Variants in C11orf65 observed in about 807,000 individuals in gnomAD.
The protein encoded by C11orf65 is chromosome 11 open reading frame 65, also known as protein MFI.
Under a neutral mutation model 35.3 loss-of-function variants are expected in C11orf65, and 38 were observed. That is an observed-to-expected ratio of 1.08 (90% CI 0.83 to 1.41). The LOEUF is 1.41. Ranked by LOEUF, C11orf65 falls within the 40% of genes most tolerant of loss-of-function variation. C11orf65 has a pLI of 0.00. For missense variants in C11orf65, 370 were observed against 367.1 expected, an observed-to-expected ratio of 1.01 and a Z score of -0.06; for synonymous variants, 105 against 114.4, an observed-to-expected ratio of 0.92 and a Z score of 0.53.
intron 2 of C11orf65, chr11:108,366,774 CT>C: frequency 2.2e-5 from 5 of 230,560 alleles, no homozygotes; most frequent in Non-Finnish European, 4.3e-5. Flanking sequence ...TGATTGATGC[CT>C]TTTTCACTGA....
At chr11:108,394,669 T>C (rs555780500) in intron 6 of C11orf65, among the ~76,000 whole-genome samples, 3 of 151,588 alleles carry the variant, frequency 2.0e-5, no homozygotes, top group South Asian at 2.1e-4. Context: ...TCACCTATTA[T>C]GAAGTTGTAT....
chr11:108,318,642 T>C (rs767072125), intron 6 of C11orf65, among the ~76,000 whole-genome samples: 10 of 151,802 alleles, frequency 6.6e-5, no homozygotes, highest in East Asian at 1.9e-4. Flanking sequence ...TGAGCCAAGA[T>C]TGCACCACTG....
At chr11:108,433,262 T>TATATATATATAGATATATATAG (rs1491421675) in intron 2 of C11orf65, among the ~76,000 whole-genome samples, 26 of 140,378 alleles carry the variant, frequency 1.9e-4, no homozygotes, top group African/African-American at 3.2e-4. Flanking sequence ...TATCTCTCTC[T>TATATATATATAGATATATATAG]ATATATATAT....
At chr11:108,378,963 A>G (rs2091800863), downstream of C11orf65, among the ~76,000 whole-genome samples, 1 of 152,190 alleles carries the variant, frequency 6.6e-6, no homozygotes, top group Non-Finnish European at 1.5e-5. Context: ...CGATCATTAA[A>G]AAGTCAGGAA....
chr11:108,431,128 A>G (rs2092983656), intron 3 of C11orf65, among the ~76,000 whole-genome samples: 1 of 152,142 alleles, frequency 6.6e-6, no homozygotes, highest in Non-Finnish European at 1.5e-5. Context: ...CAGAGTTGTG[A>G]TAAGGATAAT....
chr11:108,345,491 A>G (rs1488751946), intron 2 of C11orf65, among the ~76,000 whole-genome samples: 1 of 152,174 alleles, frequency 6.6e-6, no homozygotes, highest in Non-Finnish European at 1.5e-5. Context: ...GATTATTCAA[A>G]TTAGAATTTA....
chr11:108,356,613 T>A (rs1252746228), intron 2 of C11orf65, among the ~76,000 whole-genome samples: 1 of 151,884 alleles, frequency 6.6e-6, no homozygotes, highest in Admixed American at 6.6e-5. Context: ...TTCTTTAGTA[T>A]TTTACTCTAC....
intron 3 of C11orf65, among the ~76,000 whole-genome samples, chr11:108,414,873 T>G (rs1242235371): frequency 2.0e-5 from 3 of 152,032 alleles, no homozygotes; most frequent in South Asian, 2.1e-4. Flanking sequence ...CATGATCAAG[T>G]GGGATTTATT....
At chr11:108,309,055 G>T in exon 7 of C11orf65, 1 of 1,509,398 alleles carries the variant, frequency 6.6e-7, no homozygotes, top group Admixed American at 2.0e-5. Flanking sequence ...TGCTGAATAA[G>T]ATCCTGAAGA....
At chr11:108,461,347 C>A in intron 2 of C11orf65, 132 bp downstream of exon 2, 1 of 679,682 alleles carries the variant, frequency 1.5e-6, no homozygotes, top group Non-Finnish European at 2.5e-6. Context: ...CTGCAGTGAC[C>A]CAATATCATG....
At chr11:108,383,620 T>G (rs1490926207) in intron 8 of C11orf65, among the ~76,000 whole-genome samples, 1 of 152,174 alleles carries the variant, frequency 6.6e-6, no homozygotes, top group Non-Finnish European at 1.5e-5. Flanking sequence ...GAAATGCCCT[T>G]TTCCTCTCAA....
chr11:108,354,338 A>G (rs2089617874), intron 2 of C11orf65, among the ~76,000 whole-genome samples: 1 of 151,996 alleles, frequency 6.6e-6, no homozygotes, highest in Non-Finnish European at 1.5e-5. Context: ...AATGATCCAA[A>G]CTACTATTGG....
rs1023822795 is a variant in C11orf65, at chr11:108,374,169, T to C, written c.226+19039A>G. On this transcript the variant is annotated intron_variant, in intron 2 of 3. Transcript: ENST00000524755. ...CAGCACGCAGTTTGAGATCTGAGAA[T>C]GGGCAGACTGCCTCCTCAAGTAGGT... Among the ~76,000 whole-genome samples, 3 of 148,112 alleles carry C rather than the reference T, an allele frequency of 2.0e-5. No individual in the cohort carries two copies. In the East Asian group the frequency reaches 6.0e-4, roughly 30 times the overall value.
intron 6 of C11orf65, among the ~76,000 whole-genome samples, chr11:108,397,309 A>G (rs2092336667): frequency 7.0e-6 from 1 of 142,392 alleles, no homozygotes; most frequent in Non-Finnish European, 1.5e-5. Flanking sequence ...GCAGAGCAAG[A>G]CTCTTTCTCA....
chr11:108,315,999 C>A lies in C11orf65; in HGVS notation c.641-6928G>T, dbSNP rs781200134. 1.2e-6 allele frequency: 2 copies of A among 1,613,528 alleles called. No individual in the cohort carries two copies. Among genetic ancestry groups the A allele is most frequent in the Non-Finnish European group, 1.7e-6 (2 of 1,179,464 alleles). On this transcript the variant is annotated intron_variant, in intron 6 of 6. Transcript: ENST00000525729. ...TAAAACCCAAAGCTATTTTCACAAT[C>A]TTTTCTTATAGACTACGAACATATG...
In C11orf65 at chr11:108,310,279, A is replaced by G. The variant is rs56399311; in HGVS notation, c.641-1208T>C. The G allele has an allele frequency of 5.8e-5, 93 of 1,613,612 alleles. No individual in the cohort carries two copies. The highest frequency in any genetic ancestry group is 5.0e-4 in the Middle Eastern group (3 of 6,058). On this transcript the variant is annotated intron_variant, in intron 6 of 6. Coordinates refer to the C11orf65 transcript ENST00000525729. ...ACAGCTTTACTCTATGCAGAAATCT[A>G]TGCAGATAAGAAAAGTATGGATGAT...
chr11:108,373,637 C>T (rs1289878563), intron 2 of C11orf65, among the ~76,000 whole-genome samples: 2 of 152,214 alleles, frequency 1.3e-5, no homozygotes, highest in African/African-American at 2.4e-5. Context: ...TCTGAGATAC[C>T]GGGTTCATCT....
Position 108,325,660 on chromosome 11 carries a change from A to G in C11orf65, c.641-16589T>C, listed in dbSNP as rs2085604350. 27 of 895,724 alleles carry G rather than the reference A, an allele frequency of 3.0e-5. 1 individual carries two copies. The South Asian group carries it at 4.0e-4, about 13-fold the overall frequency. The allele number at this position is 895,724 out of a possible 1,614,324, so 55.5% of individuals were successfully genotyped here. A position where few individuals can be genotyped will look rare whatever the true frequency, so the allele number is the denominator to read the frequency against. ...TTAAGAGATAGAGATCTCTATTAAT[A>G]TATAGTAAAAATAATTGTTTAAGAG... On this transcript the variant is annotated intron_variant, in intron 6 of 6. Coordinates refer to the C11orf65 transcript ENST00000525729.
At chr11:108,340,193 A>C (rs979417985) in intron 2 of C11orf65, 1 of 152,224 alleles carries the variant, frequency 6.6e-6, no homozygotes, top group Non-Finnish European at 1.5e-5. Context: ...AATTTCAAAC[A>C]TACAAAAGGA....
Sources: allele counts gnomAD v4.1 joint callset (sites outside exome capture counted in the v4.1 genomes callset), GRCh38; gene constraint gnomAD v4.1.1; transcripts MANE v1.5; gene names NCBI Gene and HGNC (gene_info 2026-07-23, HGNC 2026-07-21).